Variants in STK31 observed in about 807,000 individuals in gnomAD.
STK31 encodes serine/threonine-protein kinase 31.
In STK31, 89 loss-of-function variants were observed where a neutral mutation model predicts 129.7. The ratio of observed to expected loss-of-function variants is 0.69; its 90% CI spans 0.58 to 0.82. The LOEUF (loss-of-function observed/expected upper bound fraction) is 0.82, where lower values mean the gene tolerates loss of function less well. STK31 is among the 40% of genes least tolerant of loss of function. The probability of loss-of-function intolerance (pLI) is 0.00; values close to 1 mark genes in which losing one functional copy is unlikely to be tolerated. For synonymous variants in STK31, 448 were observed against 395.3 expected (o/e 1.13, Z -1.58); for missense variants, 1,187 against 1,176.4 (o/e 1.01, Z -0.13).
At chr7:23,810,638 AATATATAAATT>A (rs1793033328) in intron 22 of STK31, among the ~76,000 whole-genome samples, 1 of 137,990 alleles carries the variant, frequency 7.2e-6, no homozygotes, top group Non-Finnish European at 1.5e-5. Flanking sequence ...ATAGATATAA[AATATATAAATT>A]ATATATATAA....
intron 8 of STK31, among the ~76,000 whole-genome samples, chr7:23,737,860 A>AGTGTGT (rs67303802): frequency 1.7e-4 from 26 of 149,148 alleles, no homozygotes; most frequent in African/African-American, 6.5e-4. Context: ...GTGGTTGATA[A>AGTGTGT]GTGTGTGTGT....
chr7:23,761,211 A>AT (rs1007327636), intron 10 of STK31, among the ~76,000 whole-genome samples: 11 of 150,536 alleles, frequency 7.3e-5, no homozygotes, highest in South Asian at 2.1e-4. Context: ...TGAAAGCAGA[A>AT]TTTTTTTTTT....
rs534417763 is a variant in STK31 at position 23,832,010 on chromosome 7, C to A, written c.2830-126C>A. 1.5e-4 allele frequency: 100 copies of A among 651,596 alleles called. No individual in the cohort carries two copies. The South Asian group carries it at 1.9e-3, about 12-fold the overall frequency. 40.4% of individuals were successfully genotyped at this position (651,596 alleles called of 1,614,324 possible). ...TTTTTGTTGAGGGGAGTACCAGATA[C>A]CTCGTCAGTCATCTTGAAACCCCTC... is the stretch of plus-strand genomic sequence containing the variant. On this transcript the variant is annotated intron_variant, in intron 23 of 23. Coordinates refer to ENST00000355870, the MANE Select transcript of STK31 (RefSeq NM_031414.5).
chr7:23,832,122 G>A lies in STK31; in HGVS notation c.2830-14G>A, dbSNP rs76148499. The A allele has an allele frequency of 4.3e-5, 68 of 1,589,694 alleles. No homozygotes were observed. In the East Asian group the frequency reaches 1.5e-3, roughly 35 times the overall value. The stretch of plus-strand genomic sequence containing the variant: ...TTTGTTCCTTTGTTTTGTAACACCT[G>A]TTTTTCCTTGCAGGATGATAAAGTC... On this transcript the variant is annotated splice_polypyrimidine_tract_variant and intron_variant, in intron 23 of 23. Coordinates refer to ENST00000355870, the MANE Select transcript of STK31 (RefSeq NM_031414.5).
intron 11 of STK31, among the ~76,000 whole-genome samples, chr7:23,768,115 A>G (rs1478439146): frequency 1.3e-5 from 2 of 152,084 alleles, no homozygotes; most frequent in Non-Finnish European, 2.9e-5. Context: ...CAAGGGCTGC[A>G]TGGTTTGGTC....
intron 22 of STK31, among the ~76,000 whole-genome samples, chr7:23,799,239 A>G (rs1299786192): frequency 6.6e-6 from 1 of 152,182 alleles, no homozygotes; most frequent in Admixed American, 6.5e-5. Flanking sequence ...ATTAGAAAAA[A>G]CTACTTTAAA....
At chr7:23,763,629 A>C (rs1789616889) in intron 11 of STK31, among the ~76,000 whole-genome samples, 1 of 151,578 alleles carries the variant, frequency 6.6e-6, no homozygotes. Flanking sequence ...CCTAGTTTTG[A>C]TTGAATAGAG....
rs936756121 is a variant in STK31, at chr7:23,710,260, G to A, written c.-26G>A. On this transcript the variant is annotated 5_prime_UTR_variant, in exon 1 of 24. Transcript: ENST00000355870. ...CGGTAAGCCGCTGCACGTGTGCTAC[G>A]GCGGGCGGAGGGCCGAAAGTCCAGT... The A allele has an allele frequency of 1.0e-5, 16 of 1,606,728 alleles. No individual in the cohort carries two copies. Among genetic ancestry groups the A allele is most frequent in the African/African-American group, 2.7e-5 (2 of 74,910 alleles).
chr7:23,755,902 TGTA>T (rs942769072), intron 10 of STK31, among the ~76,000 whole-genome samples: 4 of 152,226 alleles, frequency 2.6e-5, no homozygotes, highest in African/African-American at 9.6e-5. Flanking sequence ...ACTGTAGCCT[TGTA>T]GTATAGTTTG....
At chr7:23,728,213 T>A (rs750475182) in intron 5 of STK31, among the ~76,000 whole-genome samples, 13 of 151,828 alleles carry the variant, frequency 8.6e-5, no homozygotes, top group Non-Finnish European at 1.6e-4. Context: ...TCTGTAAGAT[T>A]TCCTTTGGTG....
chr7:23,796,034 T>C (rs1791928565), intron 22 of STK31, among the ~76,000 whole-genome samples: 1 of 152,186 alleles, frequency 6.6e-6, no homozygotes, highest in African/African-American at 2.4e-5. Flanking sequence ...TGAGAAGGCA[T>C]GATTGTTTTT....
chr7:23,819,828 A>C lies in STK31; in HGVS notation c.2829+4616A>C, dbSNP rs115237297. Among the ~76,000 whole-genome samples, 368 of 152,310 alleles carry C rather than the reference A, an allele frequency of 2.4e-3. 2 individuals carry two copies. Among genetic ancestry groups the C allele is most frequent in the African/African-American group, 8.4e-3 (347 of 41,552 alleles). Reference sequence around the variant, plus strand: ...AGGATCATTTACATGTTCTAATACAAATAATGTCCTTTGAAATGGAGGGAT... The same window carrying C: ...AGGATCATTTACATGTTCTAATACACATAATGTCCTTTGAAATGGAGGGAT... On this transcript the variant is annotated intron_variant, in intron 23 of 23. Coordinates refer to ENST00000355870, the MANE Select transcript of STK31 (RefSeq NM_031414.5).
intron 1 of STK31, among the ~76,000 whole-genome samples, chr7:23,711,811 G>A (rs1785983845): frequency 6.6e-6 from 1 of 152,100 alleles, no homozygotes; most frequent in African/African-American, 2.4e-5. Context: ...TCAAAGTATT[G>A]ATTTATGTAA....
chr7:23,767,782 A>G (rs1469174980), intron 11 of STK31, among the ~76,000 whole-genome samples: 1 of 152,190 alleles, frequency 6.6e-6, no homozygotes, highest in African/African-American at 2.4e-5. Flanking sequence ...CTTTTCCCAC[A>G]GGTAATTCTG....
At chr7:23,737,174 C>T (rs1209516330) in intron 8 of STK31, 96 bp downstream of exon 8, 4 of 1,135,990 alleles carry the variant, frequency 3.5e-6, no homozygotes, top group African/African-American at 3.2e-5. Context: ...TTTCCTTCCC[C>T]ACCTCATTCT....
At chr7:23,824,950 A>C (rs561354393) in intron 23 of STK31, among the ~76,000 whole-genome samples, 18 of 152,194 alleles carry the variant, frequency 1.2e-4, no homozygotes, top group African/African-American at 4.1e-4. Context: ...GATGAAGCCC[A>C]CTTGATCATG....
intron 23 of STK31, among the ~76,000 whole-genome samples, chr7:23,829,365 G>A (rs540872260): frequency 5.3e-5 from 8 of 152,240 alleles, no homozygotes; most frequent in African/African-American, 1.4e-4. Flanking sequence ...TACTTTTTCT[G>A]TGTCTATTGA....
At chr7:23,782,788 A>C (rs1257976676) in intron 16 of STK31, among the ~76,000 whole-genome samples, 1 of 152,194 alleles carries the variant, frequency 6.6e-6, no homozygotes, top group East Asian at 1.9e-4. Flanking sequence ...TGTTATTTTA[A>C]AATGTCACTG....
At chr7:23,810,971 T>C (rs2128125533) in intron 22 of STK31, among the ~76,000 whole-genome samples, 1 of 147,558 alleles carries the variant, frequency 6.8e-6, no homozygotes, top group Middle Eastern at 3.6e-3. Context: ...ACCTACATGA[T>C]GTCTTATTTT....
Sources: gnomAD v4.1 joint callset for allele counts (sites outside exome capture counted in the v4.1 genomes callset) on GRCh38, gnomAD v4.1.1 for gene constraint, MANE v1.5 for transcripts, NCBI Gene and HGNC (gene_info 2026-07-23, HGNC 2026-07-21) for gene names.